The following FBXO36 variants were observed in gnomAD, a reference collection of about 807,000 sequenced individuals.
FBXO36 encodes F-box protein 36.
FBXO36 carries 18 observed loss-of-function variants against 17.0 expected under a neutral mutation model. The observed-to-expected ratio is 1.06, with a 90% CI of 0.73 to 1.57. The LOEUF (loss-of-function observed/expected upper bound fraction) is 1.57, where lower values mean the gene tolerates loss of function less well. FBXO36 is among the 40% of genes most tolerant of loss of function. FBXO36 has a pLI of 0.00. For missense variants in FBXO36, 229 were observed against 221.9 expected, an observed-to-expected ratio of 1.03 and a Z score of -0.20; for synonymous variants, 83 against 85.3, an observed-to-expected ratio of 0.97 and a Z score of 0.15.
In FBXO36 at chr2:229,954,234, A is replaced by ATTTTTTTTTTTTTTTTTTTTTT. The variant is rs60093081; in HGVS notation, c.97-22002_97-21981dup. On this transcript the variant is annotated intron_variant, in intron 1 of 3. Transcript: ENST00000283946. ...GCAACTGTCATTACAAACCCTTTGGATTTTTTTTTTTTTTTTTTTTTTTTT... is the reference window on the plus strand; with the variant it reads ...GCAACTGTCATTACAAACCCTTTGGATTTTTTTTTTTTTTTTTTTTTTTTTTTTTTTTTTTTTTTTTTTTTTT... Among the ~76,000 whole-genome samples, 113 of 71,394 alleles carry ATTTTTTTTTTTTTTTTTTTTTT rather than the reference A, an allele frequency of 1.6e-3. 32 individuals are homozygous for ATTTTTTTTTTTTTTTTTTTTTT. The highest frequency in any genetic ancestry group is 2.4e-3 in the Admixed American group (9 of 3,822). The allele number at this position is 71,394 out of a possible 152,430, so 46.8% of individuals were successfully genotyped here. A position where few individuals can be genotyped will look rare whatever the true frequency, so the allele number is the denominator to read the frequency against.
At chr2:229,986,348 A>G (rs574735951) in intron 2 of FBXO36, among the ~76,000 whole-genome samples, 14 of 152,136 alleles carry the variant, frequency 9.2e-5, no homozygotes, top group Admixed American at 3.9e-4. Context: ...AAAAAATGCA[A>G]AAATTAACTG....
Position 229,976,630 on chromosome 2 carries a change from C to G in FBXO36, c.205+281C>G, listed in dbSNP as rs190333045. On this transcript the variant is annotated intron_variant, in intron 2 of 3. Coordinates refer to ENST00000283946, the MANE Select transcript of FBXO36 (RefSeq NM_174899.5). ...TGTCAGGAGTTCGAGACCAGCCTGG[C>G]CAAGATGGTGAAACCCTGTCTCTAC... 1,755 of 245,130 alleles carry G rather than the reference C, an allele frequency of 7.2e-3. 17 individuals carry two copies. Among genetic ancestry groups the G allele is most frequent in the South Asian group, 0.013 (207 of 15,954 alleles). The allele number at this position is 245,130 out of a possible 1,614,324, so 15.2% of individuals were successfully genotyped here.
Position 230,012,783 on chromosome 2 carries a change from T to C in FBXO36, c.*1899T>C, listed in dbSNP as rs920910226. The C allele has an allele frequency of 6.6e-6, 1 of 151,790 alleles. No homozygotes were observed. Among genetic ancestry groups the C allele is most frequent in the East Asian group, 1.9e-4 (1 of 5,198 alleles). 9.4% of individuals were successfully genotyped at this position (151,790 alleles called of 1,614,324 possible). ...TTCATAAATATGTAACTGTAACTTA[T>C]TGGTAACATCAGTGCAAGATGATTA... is the stretch of plus-strand genomic sequence containing the variant. On this transcript the variant is annotated 3_prime_UTR_variant, in exon 4 of 4. Transcript: ENST00000283946.
intron 1 of FBXO36, among the ~76,000 whole-genome samples, chr2:229,938,570 C>T (rs1377640099): frequency 7.0e-3 from 920 of 131,726 alleles, no homozygotes; most frequent in Middle Eastern, 0.036. Context: ...CCGCAACCTC[C>T]GCCTCCTGGG....
At chr2:230,000,189 C>G (rs578123011) in intron 3 of FBXO36, among the ~76,000 whole-genome samples, 1 of 151,906 alleles carries the variant, frequency 6.6e-6, no homozygotes, top group South Asian at 2.1e-4. Flanking sequence ...GAAACCACAT[C>G]TCAACTAAAA....
At chr2:229,976,514 T>C (rs996530782) in intron 2 of FBXO36, 165 bp downstream of exon 2, 4 of 588,204 alleles carry the variant, frequency 6.8e-6, no homozygotes, top group African/African-American at 1.9e-5. Context: ...GTTGTTTTTT[T>C]CTCTTGGAAA....
Position 229,989,934 on chromosome 2 carries a change from A to G in FBXO36, c.206-6817A>G, listed in dbSNP as rs370544394. Among the ~76,000 whole-genome samples, 55 of 152,030 alleles carry G rather than the reference A, an allele frequency of 3.6e-4. No homozygotes were observed. In the East Asian group the frequency reaches 5.8e-3, roughly 16 times the overall value. On this transcript the variant is annotated intron_variant, in intron 2 of 3. Coordinates refer to ENST00000283946, the MANE Select transcript of FBXO36 (RefSeq NM_174899.5). ...TCTGTGACCTCTAAAACAATGCTGA[A>G]TAGAGATGGTGATAGTGGGCATTCT...
intron 2 of FBXO36, among the ~76,000 whole-genome samples, chr2:229,993,760 T>C (rs780709543): frequency 1.2e-4 from 17 of 141,522 alleles, no homozygotes; most frequent in Admixed American, 2.7e-4. Flanking sequence ...ACTTTTACAC[T>C]TTATTTATTT....
intron 1 of FBXO36, among the ~76,000 whole-genome samples, chr2:229,931,196 T>C (rs1406340714): frequency 6.6e-6 from 1 of 152,198 alleles, no homozygotes. Context: ...ACTGTTTAGT[T>C]AGTCTAGTCA....
chr2:229,980,534 G>T, intron 2 of FBXO36, among the ~76,000 whole-genome samples: 1 of 152,022 alleles, frequency 6.6e-6, no homozygotes, highest in Admixed American at 6.6e-5. Flanking sequence ...CTGATTGCTG[G>T]CTTACTTGCA....
intron 1 of FBXO36, among the ~76,000 whole-genome samples, chr2:229,960,110 A>G (rs964052953): frequency 2.6e-5 from 4 of 151,900 alleles, no homozygotes; most frequent in African/African-American, 9.7e-5. Flanking sequence ...ATTATTTATT[A>G]TTATTAAAAT....
chr2:229,962,353 C>A (rs921103404), intron 1 of FBXO36, among the ~76,000 whole-genome samples: 1 of 150,560 alleles, frequency 6.6e-6, no homozygotes, highest in Admixed American at 6.6e-5. Context: ...TTTTTGAAAC[C>A]AGGATCTTGC....
intron 1 of FBXO36, among the ~76,000 whole-genome samples, chr2:229,938,905 A>ACCCACCATCATGC (rs1173850506): frequency 5.5e-5 from 8 of 145,912 alleles, no homozygotes; most frequent in African/African-American, 2.0e-4. Context: ...GATTACAGGC[A>ACCCACCATCATGC]CCCGCCATCA....
At chr2:229,945,558 G>A (rs2077022768) in intron 1 of FBXO36, among the ~76,000 whole-genome samples, 1 of 151,534 alleles carries the variant, frequency 6.6e-6, no homozygotes, top group African/African-American at 2.4e-5. Context: ...CACCCGCCTT[G>A]GCTTCCCACA....
chr2:229,964,491 C>T (rs1452665695), intron 1 of FBXO36, among the ~76,000 whole-genome samples: 1 of 152,150 alleles, frequency 6.6e-6, no homozygotes, highest in East Asian at 1.9e-4. Context: ...CTTTGAGATT[C>T]AACTGTTATT....
intron 2 of FBXO36, among the ~76,000 whole-genome samples, chr2:229,983,116 G>A (rs969162092): frequency 1.1e-4 from 17 of 151,858 alleles, no homozygotes; most frequent in African/African-American, 3.4e-4. Context: ...TGGCTCATGC[G>A]TGTAATCCCA....
intron 2 of FBXO36, among the ~76,000 whole-genome samples, chr2:229,979,842 T>C (rs2077229032): frequency 6.7e-6 from 1 of 149,942 alleles, no homozygotes; most frequent in Non-Finnish European, 1.5e-5. Context: ...CCATGTCAAA[T>C]AATGAAAAAG....
intron 1 of FBXO36, among the ~76,000 whole-genome samples, chr2:229,930,723 C>G (rs1020129177): frequency 3.3e-5 from 5 of 152,100 alleles, no homozygotes; most frequent in African/African-American, 1.2e-4. Context: ...TGCACTCAAG[C>G]CTGGGCGACA....
chr2:229,960,173 TTTAC>T (rs1165115028), intron 1 of FBXO36, among the ~76,000 whole-genome samples: 1 of 152,004 alleles, frequency 6.6e-6, no homozygotes, highest in Non-Finnish European at 1.5e-5. Flanking sequence ...TATTTATTTA[TTTAC>T]TTTTATTTAT....
Sources: allele counts gnomAD v4.1 joint callset (sites outside exome capture counted in the v4.1 genomes callset), GRCh38; gene constraint gnomAD v4.1.1; transcripts MANE v1.5; gene names NCBI Gene and HGNC (gene_info 2026-07-23, HGNC 2026-07-21).